The following CADM2 variants were observed in gnomAD, a reference collection of about 807,000 sequenced individuals.
CADM2 encodes the protein cell adhesion molecule 2, also known as immunoglobulin superfamily member 4D.
A neutral mutation model predicts 49.8 loss-of-function variants in CADM2; 12 were observed. That is an observed-to-expected ratio of 0.24 (90% CI 0.15 to 0.39). CADM2 has a LOEUF of 0.39. Among genes scored for constraint, CADM2 ranks in the 10% least tolerant of loss-of-function variants. The pLI is 1.00. For missense variants in CADM2, 378 were observed against 492.3 expected, an observed-to-expected ratio of 0.77 and a Z score of 2.20; for synonymous variants, 214 against 175.4, an observed-to-expected ratio of 1.22 and a Z score of -1.74.
intron 1 of CADM2, among the ~76,000 whole-genome samples, chr3:85,457,880 C>T (rs2038064032): frequency 6.6e-6 from 1 of 152,056 alleles, no homozygotes; most frequent in Non-Finnish European, 1.5e-5. Context: ...TAACACAATT[C>T]TTTTTGGCAT....
At chr3:85,472,483 C>T (rs2038809922) in intron 1 of CADM2, among the ~76,000 whole-genome samples, 2 of 151,904 alleles carry the variant, frequency 1.3e-5, no homozygotes, top group South Asian at 4.1e-4. Context: ...CATTTCTACT[C>T]TGTGTTCTCA....
rs2065186308 is a variant in CADM2, at chr3:85,656,027, T to C, written c.62-70495T>C. Among the ~76,000 whole-genome samples the C allele has an allele frequency of 2.0e-5, 3 of 151,982 alleles. 1 individual carries two copies. Among genetic ancestry groups the C allele is most frequent in the Admixed American group, 2.0e-4 (3 of 15,244 alleles). ...CTAATTTAAGCTCTTTGTTCCCTAC[T>C]CCATTCCCTGTCACATCTTAGAGCA... On this transcript the variant is annotated intron_variant, in intron 1 of 9. Transcript: ENST00000383699.
chr3:85,413,091 A>T (rs1043046552), intron 1 of CADM2, among the ~76,000 whole-genome samples: 2 of 137,996 alleles, frequency 1.4e-5, no homozygotes, highest in Non-Finnish European at 3.1e-5. Context: ...CAGTGAGCCG[A>T]GATCGCACCA....
chr3:85,703,128 T>C (rs2066832582), intron 1 of CADM2, among the ~76,000 whole-genome samples: 1 of 152,158 alleles, frequency 6.6e-6, no homozygotes, highest in Non-Finnish European at 1.5e-5. Flanking sequence ...ATATAAAATA[T>C]TGAGATTATA....
At chr3:84,970,533 G>C (rs906540949) in intron 1 of CADM2, among the ~76,000 whole-genome samples, 2 of 151,752 alleles carry the variant, frequency 1.3e-5, no homozygotes, top group Non-Finnish European at 2.9e-5. Context: ...ATTTTTGACT[G>C]TTTCATGACT....
At chr3:85,545,412 A>G (rs11127899) in intron 1 of CADM2, among the ~76,000 whole-genome samples, 77,940 of 152,050 alleles carry the variant, frequency 0.51, 23,063 homozygotes, top group East Asian at 0.85. Flanking sequence ...AATATATAGG[A>G]AAATTTTAGC....
intron 1 of CADM2, among the ~76,000 whole-genome samples, chr3:85,286,721 C>G (rs1431893821): frequency 1.3e-5 from 2 of 152,192 alleles, no homozygotes; most frequent in Admixed American, 1.3e-4. Context: ...TTTGATTATG[C>G]AAGCCAAATA....
chr3:85,188,076 A>C (rs539860156), intron 1 of CADM2, among the ~76,000 whole-genome samples: 10 of 152,082 alleles, frequency 6.6e-5, no homozygotes, highest in Non-Finnish European at 1.5e-4. Context: ...GTAATGCTAG[A>C]AATATTAACT....
chr3:85,297,585 A>C (rs939055364), intron 1 of CADM2, among the ~76,000 whole-genome samples: 4 of 151,934 alleles, frequency 2.6e-5, no homozygotes, highest in African/African-American at 4.8e-5. Flanking sequence ...ACTCCTAATA[A>C]CATGTTAGGC....
intron 1 of CADM2, among the ~76,000 whole-genome samples, chr3:85,309,822 T>A (rs2044302201): frequency 6.6e-6 from 1 of 152,194 alleles, no homozygotes; most frequent in Non-Finnish European, 1.5e-5. Context: ...TATATTACTT[T>A]ACCCCCGTTT....
At chr3:85,329,933 G>T (rs989514167) in intron 1 of CADM2, among the ~76,000 whole-genome samples, 4 of 152,074 alleles carry the variant, frequency 2.6e-5, no homozygotes, top group Admixed American at 2.6e-4. Flanking sequence ...TTAGTAGCAA[G>T]TACCATGTCT....
intron 6 of CADM2, among the ~76,000 whole-genome samples, chr3:85,926,776 G>A (rs1719933725): frequency 6.6e-6 from 1 of 152,158 alleles, no homozygotes; most frequent in Admixed American, 6.5e-5. Context: ...GGAAAACGAT[G>A]TGAGAGAGAT....
chr3:85,610,033 G>A (rs969812461), intron 1 of CADM2, among the ~76,000 whole-genome samples: 13 of 151,838 alleles, frequency 8.6e-5, no homozygotes, highest in Admixed American at 8.6e-4. Flanking sequence ...CCCCAAATCT[G>A]ATTTAATTAT....
At chr3:85,182,594 A>G (rs758846228) in intron 1 of CADM2, among the ~76,000 whole-genome samples, 43 of 152,204 alleles carry the variant, frequency 2.8e-4, no homozygotes, top group Non-Finnish European at 4.7e-4. Context: ...ATTGTATGTT[A>G]GCTTGGACGG....
At chr3:85,061,929 CA>C (rs2036333624) in intron 1 of CADM2, among the ~76,000 whole-genome samples, 2 of 151,926 alleles carry the variant, frequency 1.3e-5, no homozygotes, top group African/African-American at 4.8e-5. Flanking sequence ...TTCTTAAAAA[CA>C]TACTATCAGA....
At chr3:85,657,651 G>A (rs1374902970) in intron 1 of CADM2, among the ~76,000 whole-genome samples, 1 of 148,162 alleles carries the variant, frequency 6.7e-6, no homozygotes, top group Admixed American at 6.8e-5. Flanking sequence ...TCTTTTGAGA[G>A]CAGTATACAT....
At chr3:84,983,043 G>A (rs1487856984) in intron 1 of CADM2, among the ~76,000 whole-genome samples, 4 of 151,828 alleles carry the variant, frequency 2.6e-5, no homozygotes, top group South Asian at 2.1e-4. Flanking sequence ...CACTGCGCCC[G>A]GCCAAGAATA....
In CADM2 at chr3:86,068,749, TGTG is replaced by T. The variant is rs1168552600; in HGVS notation, c.*1969_*1971del. On this transcript the variant is annotated 3_prime_UTR_variant, in exon 10 of 10. Coordinates refer to ENST00000383699, the MANE Select transcript of CADM2 (RefSeq NM_001167675.2). ...AATATACAGAACATAAATAATATGA[TGTG>T]GTTGAGTGTTAACATAATAAATCAT... is the stretch of plus-strand genomic sequence containing the variant. 1 of 152,310 alleles carries T rather than the reference TGTG, an allele frequency of 6.6e-6. No homozygotes were observed. The highest frequency in any genetic ancestry group is 1.5e-5 in the Non-Finnish European group (1 of 67,820). The allele number at this position is 152,310 out of a possible 1,614,324, so 9.4% of individuals were successfully genotyped here. A position where few individuals can be genotyped will look rare whatever the true frequency, so the allele number is the denominator to read the frequency against.
chr3:85,971,498 C>G (rs1247709382), intron 8 of CADM2, among the ~76,000 whole-genome samples: 1 of 151,638 alleles, frequency 6.6e-6, no homozygotes, highest in Non-Finnish European at 1.5e-5. Context: ...CAGTATTTTT[C>G]TACTATATCA....
Sources: gnomAD v4.1 joint callset for allele counts (sites outside exome capture counted in the v4.1 genomes callset) on GRCh38, gnomAD v4.1.1 for gene constraint, MANE v1.5 for transcripts, NCBI Gene and HGNC (gene_info 2026-07-23, HGNC 2026-07-21) for gene names.